HS6ST2: variants seen among roughly 807,000 people sequenced by gnomAD.
The protein encoded by HS6ST2 is heparan sulfate 6-O-sulfotransferase 2.
A neutral mutation model predicts 33.0 loss-of-function variants in HS6ST2; 17 were observed. The ratio of observed to expected loss-of-function variants is 0.52; its 90% CI spans 0.35 to 0.77. The LOEUF (loss-of-function observed/expected upper bound fraction) is 0.77. Ranked by LOEUF, HS6ST2 falls within the 30% of genes least tolerant of loss-of-function variation. HS6ST2 has a pLI of 0.01. For synonymous variants in HS6ST2, 248 were observed against 237.1 expected (o/e 1.05, Z -0.42); for missense variants, 519 against 551.7 (o/e 0.94, Z 0.59).
chrX:132,857,919 G>A (rs1413360384), intron 2 of HS6ST2, among the ~76,000 whole-genome samples: 1 of 112,138 alleles, frequency 8.9e-6, no homozygotes, highest in Non-Finnish European at 1.9e-5. Context: ...GGAATTCCAA[G>A]ACAGTGCACG....
chrX:132,888,226 A>C (rs2066272317), intron 2 of HS6ST2, among the ~76,000 whole-genome samples: 1 of 111,384 alleles, frequency 9.0e-6, no homozygotes, highest in African/African-American at 3.3e-5. Flanking sequence ...TAATTTATAA[A>C]GATTAATAAT....
At chrX:132,771,921 ATTTTC>A (rs2064904611) in intron 2 of HS6ST2, among the ~76,000 whole-genome samples, 1 of 111,453 alleles carries the variant, frequency 9.0e-6, no homozygotes, top group African/African-American at 3.3e-5. Context: ...GTATCAATCA[ATTTTC>A]TTTTCTCCTA....
chrX:132,713,544 C>T (rs887005983), intron 2 of HS6ST2, among the ~76,000 whole-genome samples: 2 of 111,642 alleles, frequency 1.8e-5, no homozygotes, highest in African/African-American at 6.5e-5. Flanking sequence ...TTGTCCCCTG[C>T]ATCTGTGTTC....
At chrX:132,710,936 A>G (rs2064226420) in intron 2 of HS6ST2, among the ~76,000 whole-genome samples, 1 of 111,624 alleles carries the variant, frequency 9.0e-6, no homozygotes, top group Non-Finnish European at 1.9e-5. Flanking sequence ...ACACTCTAAG[A>G]TGGGATTCAT....
intron 4 of HS6ST2, among the ~76,000 whole-genome samples, chrX:132,631,816 C>T (rs2063519791): frequency 9.0e-6 from 1 of 111,154 alleles, no homozygotes; most frequent in African/African-American, 3.3e-5. Flanking sequence ...ATTAAGAGTG[C>T]ACCACAGTGG....
chrX:132,804,860 T>C (rs1282401361), intron 2 of HS6ST2, among the ~76,000 whole-genome samples: 1 of 111,358 alleles, frequency 9.0e-6, no homozygotes, highest in Middle Eastern at 4.2e-3. Flanking sequence ...TTTACTGAAG[T>C]GGTAGTTTGG....
chrX:132,835,654 C>T (rs898183183), intron 2 of HS6ST2, among the ~76,000 whole-genome samples: 2 of 112,392 alleles, frequency 1.8e-5, no homozygotes, highest in African/African-American at 6.5e-5. Context: ...TTTTAGGCCA[C>T]GCCTGTAATG....
chrX:132,881,628 A>T (rs1283434094), intron 2 of HS6ST2, among the ~76,000 whole-genome samples: 1 of 111,654 alleles, frequency 9.0e-6, no homozygotes, highest in African/African-American at 3.3e-5. Flanking sequence ...CTTGAGTTTA[A>T]TTAGATCCCA....
intron 2 of HS6ST2, among the ~76,000 whole-genome samples, chrX:132,916,300 T>C (rs1204328825): frequency 2.7e-5 from 3 of 112,090 alleles, no homozygotes; most frequent in Non-Finnish European, 5.6e-5. Context: ...CAGAAATCTG[T>C]GACATGAAAC....
At chrX:132,871,020 T>C (rs2066052065) in intron 2 of HS6ST2, among the ~76,000 whole-genome samples, 1 of 109,922 alleles carries the variant, frequency 9.1e-6, no homozygotes, top group Admixed American at 9.7e-5. Context: ...ATTTTTGCAA[T>C]CTACCCATCT....
At chrX:132,913,591 G>A (rs2066554973) in intron 2 of HS6ST2, among the ~76,000 whole-genome samples, 1 of 112,491 alleles carries the variant, frequency 8.9e-6, no homozygotes, top group African/African-American at 3.2e-5. Flanking sequence ...TGCAAGCCAA[G>A]CACAGCCCCC....
chrX:132,814,577 G>A (rs1185770421), intron 2 of HS6ST2, among the ~76,000 whole-genome samples: 3 of 111,189 alleles, frequency 2.7e-5, no homozygotes, highest in African/African-American at 9.8e-5. Context: ...GCAGTGGCAC[G>A]ATCTCGGCTC....
intron 2 of HS6ST2, among the ~76,000 whole-genome samples, chrX:132,765,087 C>T (rs902790532): frequency 1.8e-5 from 2 of 112,197 alleles, no homozygotes; most frequent in African/African-American, 6.5e-5. Flanking sequence ...ACCTGGGCCA[C>T]GGTGTATGAG....
At chrX:132,763,364 A>G (rs2064819339) in intron 2 of HS6ST2, among the ~76,000 whole-genome samples, 1 of 112,811 alleles carries the variant, frequency 8.9e-6, no homozygotes, top group Non-Finnish European at 1.9e-5. Flanking sequence ...GTGCAGATGT[A>G]AGTGGTATTC....
chrX:132,741,303 T>G (rs1404958102), intron 2 of HS6ST2, among the ~76,000 whole-genome samples: 3 of 86,812 alleles, frequency 3.5e-5, no homozygotes, highest in African/African-American at 1.3e-4. Flanking sequence ...TTTGGTTTTG[T>G]TTTTTTTTTT....
At chrX:132,826,642 T>A (rs2065523547) in intron 2 of HS6ST2, among the ~76,000 whole-genome samples, 1 of 109,417 alleles carries the variant, frequency 9.1e-6, no homozygotes, top group South Asian at 3.9e-4. Flanking sequence ...TATATATATA[T>A]AGCTCACATT....
intron 2 of HS6ST2, among the ~76,000 whole-genome samples, chrX:132,821,480 G>A (rs1050695186): frequency 2.4e-4 from 26 of 109,597 alleles, no homozygotes; most frequent in Non-Finnish European, 4.6e-4. Flanking sequence ...CCAAAGTGCT[G>A]GGATTACAAG....
chrX:132,806,948 T>A (rs2065289233), intron 2 of HS6ST2, among the ~76,000 whole-genome samples: 2 of 110,182 alleles, frequency 1.8e-5, no homozygotes, highest in African/African-American at 6.5e-5. Context: ...GGTTTAGTCT[T>A]CAACCTATGT....
chrX:132,863,017 C>T (rs1273453611), intron 2 of HS6ST2, among the ~76,000 whole-genome samples: 1 of 112,233 alleles, frequency 8.9e-6, no homozygotes, highest in Non-Finnish European at 1.9e-5. Flanking sequence ...CCCCAGAATA[C>T]AATTTCAAAA....
Sources: allele counts gnomAD v4.1 joint callset (sites outside exome capture counted in the v4.1 genomes callset), GRCh38; gene constraint gnomAD v4.1.1; transcripts MANE v1.5; gene names NCBI Gene and HGNC (gene_info 2026-07-23, HGNC 2026-07-21).